The following SMARCB1 variants were observed in gnomAD, a reference collection of about 807,000 sequenced individuals.
The protein encoded by SMARCB1 is SWI/SNF related BAF chromatin remodeling complex subunit B1.
In SMARCB1, 5 loss-of-function variants were observed where a neutral mutation model predicts 49.0. The observed-to-expected ratio is 0.10, with a 90% CI of 0.05 to 0.21. The LOEUF (loss-of-function observed/expected upper bound fraction) is 0.21, where lower values mean the gene tolerates loss of function less well. Ranked by LOEUF, SMARCB1 falls within the 10% of genes least tolerant of loss-of-function variation. The pLI, the probability that SMARCB1 is intolerant of heterozygous loss-of-function variation, is 1.00. For synonymous variants in SMARCB1, 201 were observed against 200.1 expected (o/e 1.00, Z -0.04); for missense variants, 226 against 509.2 (o/e 0.44, Z 5.35).
intron 5 of SMARCB1, among the ~76,000 whole-genome samples, chr22:23,810,088 C>T (rs971166096): frequency 1.3e-5 from 2 of 151,486 alleles, no homozygotes; most frequent in Admixed American, 6.6e-5. Context: ...AGGAGTATCA[C>T]TTGAACCCGG....
intron 5 of SMARCB1, among the ~76,000 whole-genome samples, chr22:23,806,235 T>A (rs1568945024): frequency 6.6e-6 from 1 of 152,296 alleles, no homozygotes; most frequent in Middle Eastern, 3.4e-3. Context: ...ATCTGAGATT[T>A]CCTACAGCCC....
chr22:23,793,334 A>G (rs1435030087), intron 2 of SMARCB1: 2 of 625,248 alleles, frequency 3.2e-6, no homozygotes, highest in East Asian at 5.8e-5. Context: ...GGGGCAGATT[A>G]GTCCAAATCA....
chr22:23,827,295 G>A (rs1196435982), intron 7 of SMARCB1, among the ~76,000 whole-genome samples: 6 of 152,184 alleles, frequency 3.9e-5, no homozygotes, highest in African/African-American at 9.6e-5. Context: ...TGAAGTCCCC[G>A]GGGCCTCTTG....
At position 23,834,520 on chromosome 22, in the gene SMARCB1, GTCATGTTCAATTTCTTCAAAGT is replaced by G; in HGVS notation, c.*342_*363del. The G allele has an allele frequency of 1.7e-6, 1 of 578,840 alleles. No homozygotes were observed. 35.9% of individuals were successfully genotyped at this position (578,840 alleles called of 1,614,324 possible). On this transcript the variant is annotated 3_prime_UTR_variant, in exon 9 of 9. Coordinates refer to ENST00000644036, the MANE Select transcript of SMARCB1 (RefSeq NM_003073.5). ...AGGTCATGTTCAATTTCTTCAACAG[GTCATGTTCAATTTCTTCAAAGT>G]TTTAACATAAAAATAATGAGAGCCA...
At chr22:23,800,887 G>A (rs2145977805) in intron 3 of SMARCB1, 57 bp from the exon 4 acceptor site, 1 of 1,301,670 alleles carries the variant, frequency 7.7e-7, no homozygotes, top group Non-Finnish European at 1.1e-6. Flanking sequence ...GTTGATTCCT[G>A]GTGGGCAGGA....
In SMARCB1 at chr22:23,837,897, G is replaced by A; in HGVS notation, c.*3717G>A. On this transcript the variant is annotated 3_prime_UTR_variant, in exon 9 of 9. Transcript: ENST00000644036. Reference sequence around the variant, plus strand: ...TGCTCCGGTGCAGGCCTCAGCCCAAGCCCAGGGCCCCTCTGACTTCCCAAG... The same window carrying A: ...TGCTCCGGTGCAGGCCTCAGCCCAAACCCAGGGCCCCTCTGACTTCCCAAG... The A allele has an allele frequency of 6.4e-7, 1 of 1,567,302 alleles. No individual in the cohort carries two copies. Among genetic ancestry groups the A allele is most frequent in the Non-Finnish European group, 8.7e-7 (1 of 1,153,812 alleles).
intron 5 of SMARCB1, among the ~76,000 whole-genome samples, chr22:23,807,175 C>A (rs1469637743): frequency 6.6e-6 from 1 of 152,110 alleles, no homozygotes; most frequent in Non-Finnish European, 1.5e-5. Context: ...ACAAGGGGAT[C>A]CCCTCAGGAA....
At position 23,837,803 on chromosome 22, in the gene SMARCB1, T is replaced by C. The variant is rs142231459; in HGVS notation, c.*3623T>C. The C allele has an allele frequency of 2.8e-5, 45 of 1,613,796 alleles. No homozygotes were observed. The African/African-American group carries it at 5.7e-4, about 21-fold the overall frequency. On this transcript the variant is annotated 3_prime_UTR_variant, in exon 9 of 9. Coordinates refer to ENST00000644036, the MANE Select transcript of SMARCB1 (RefSeq NM_003073.5). ...CGGCGGCTCCACACGTACACCAGCA[T>C]GGCCATGAGGGCCTGGCCCAGGAAG...
intron 3 of SMARCB1, among the ~76,000 whole-genome samples, chr22:23,794,987 T>C (rs1041043219): frequency 6.6e-6 from 1 of 152,216 alleles, no homozygotes; most frequent in Non-Finnish European, 1.5e-5. Context: ...GAAGTTACGA[T>C]GTTGTATCTA....
At position 23,787,015 on chromosome 22, in the gene SMARCB1, C is replaced by G. The variant is rs549116020; in HGVS notation, c.-155C>G. The stretch of plus-strand genomic sequence containing the variant: ...GCCTGGTCGTCGTCTGCGGCGGCGG[C>G]GGCGGCTGAGGAGCCCGGCTGAGGC... On this transcript the variant is annotated 5_prime_UTR_variant, in exon 1 of 9. Transcript: ENST00000644036. 52 of 507,202 alleles carry G rather than the reference C, an allele frequency of 1.0e-4. No individual in the cohort carries two copies. The South Asian group carries it at 1.4e-3, about 13-fold the overall frequency. 31.4% of individuals were successfully genotyped at this position (507,202 alleles called of 1,614,324 possible).
rs758682305 is a variant in SMARCB1 at position 23,837,830 on chromosome 22, A to C, written c.*3650A>C. 5.6e-6 allele frequency: 9 copies of C among 1,613,238 alleles called. No homozygotes were observed. The East Asian group carries it at 1.8e-4, about 32-fold the overall frequency. On this transcript the variant is annotated 3_prime_UTR_variant, in exon 9 of 9. Coordinates refer to ENST00000644036, the MANE Select transcript of SMARCB1 (RefSeq NM_003073.5). ...GCCATGAGGGCCTGGCCCAGGAAGAACAGGCTGCCCAGGAGTCCCAGCAGC... is the reference window on the plus strand; with the variant it reads ...GCCATGAGGGCCTGGCCCAGGAAGACCAGGCTGCCCAGGAGTCCCAGCAGC...
chr22:23,827,222 A>G lies in SMARCB1; in HGVS notation c.986+1807A>G, dbSNP rs34328872. 5.5e-3 allele frequency among the ~76,000 whole-genome samples: 839 copies of G among 152,294 alleles called. 3 individuals carry two copies. The highest frequency in any genetic ancestry group is 9.0e-3 in the Non-Finnish European group (615 of 68,016). On this transcript the variant is annotated intron_variant, in intron 7 of 8. Transcript: ENST00000644036. ...TGGCTGCCCCCAGCATCCAGCCCCT[A>G]CGGTGTTGACCTTCACCTAGTCCTG...
rs1441855883 is a variant in SMARCB1 at position 23,834,913 on chromosome 22, C to T, written c.*733C>T. The T allele has an allele frequency of 1.9e-6, 3 of 1,610,686 alleles. No individual in the cohort carries two copies. The highest frequency in any genetic ancestry group is 2.7e-5 in the African/African-American group (2 of 74,924). Reference sequence around the variant, plus strand: ...ATGGTCAGGCTACTGCCAGCTGGGGCCTTGCTGCTCTGAAGTCCCCTGCGG... The same window carrying T: ...ATGGTCAGGCTACTGCCAGCTGGGGTCTTGCTGCTCTGAAGTCCCCTGCGG... On this transcript the variant is annotated 3_prime_UTR_variant, in exon 9 of 9. Coordinates refer to ENST00000644036, the MANE Select transcript of SMARCB1 (RefSeq NM_003073.5).
At chr22:23,787,506 C>T (rs1172773201) in intron 1 of SMARCB1, among the ~76,000 whole-genome samples, 1 of 152,178 alleles carries the variant, frequency 6.6e-6, no homozygotes, top group Non-Finnish European at 1.5e-5. Flanking sequence ...GATTTTGGCG[C>T]CGCGAGGGGC....
chr22:23,802,744 C>G, intron 4 of SMARCB1: 1 of 226,610 alleles, frequency 4.4e-6, no homozygotes, highest in South Asian at 6.6e-5. Context: ...TCCCAAAGTA[C>G]TCCATTGCTT....
At chr22:23,826,553 A>G (rs1001307038) in intron 7 of SMARCB1, among the ~76,000 whole-genome samples, 4 of 152,180 alleles carry the variant, frequency 2.6e-5, no homozygotes, top group Admixed American at 6.5e-5. Flanking sequence ...AAGCATCCCT[A>G]CATCAAAACA....
chr22:23,821,846 C>G (rs2030102767), intron 6 of SMARCB1, among the ~76,000 whole-genome samples: 1 of 150,178 alleles, frequency 6.7e-6, no homozygotes, highest in African/African-American at 2.5e-5. Context: ...CTCTTCCCAT[C>G]TCACTGACTC....
chr22:23,802,234 C>G (rs946626826), intron 4 of SMARCB1: 7 of 152,712 alleles, frequency 4.6e-5, no homozygotes, highest in East Asian at 1.9e-4. Context: ...CAGGCCCAAC[C>G]TGGCCTGGTG....
intron 3 of SMARCB1, among the ~76,000 whole-genome samples, chr22:23,795,386 T>G (rs2145967931): frequency 6.6e-6 from 1 of 152,234 alleles, no homozygotes; most frequent in Admixed American, 6.5e-5. Context: ...CCGGGCACGG[T>G]GGCTCACGCC....
Sources: gnomAD v4.1 joint callset for allele counts (sites outside exome capture counted in the v4.1 genomes callset) on GRCh38, gnomAD v4.1.1 for gene constraint, MANE v1.5 for transcripts, NCBI Gene and HGNC (gene_info 2026-07-23, HGNC 2026-07-21) for gene names.